The following CSMD3 variants were observed in gnomAD, a reference collection of about 807,000 sequenced individuals.
CSMD3 encodes CUB and Sushi multiple domains 3.
Under a neutral mutation model 435.2 loss-of-function variants are expected in CSMD3, and 177 were observed. The ratio of observed to expected loss-of-function variants is 0.41; its 90% CI spans 0.36 to 0.46. The LOEUF is 0.46. CSMD3 is among the 20% of genes least tolerant of loss of function. The pLI is 0.34. For synonymous variants in CSMD3, 1,656 were observed against 1,520.5 expected (o/e 1.09, Z -2.07); for missense variants, 4,265 against 4,504.6 (o/e 0.95, Z 1.52).
intron 12 of CSMD3, among the ~76,000 whole-genome samples, chr8:112,804,972 T>G (rs1156756285): frequency 6.6e-6 from 1 of 152,144 alleles, no homozygotes; most frequent in Non-Finnish European, 1.5e-5. Context: ...CTGGTGCTAC[T>G]TATTCTGTGA....
chr8:113,369,132 T>C (rs189718625), intron 1 of CSMD3, among the ~76,000 whole-genome samples: 27 of 152,162 alleles, frequency 1.8e-4, no homozygotes, highest in African/African-American at 6.3e-4. Context: ...TAAATCTCTA[T>C]CAATTTCTCA....
chr8:112,696,524 A>G (rs9650047), intron 13 of CSMD3, among the ~76,000 whole-genome samples: 50,060 of 150,520 alleles, frequency 0.33, 9,086 homozygotes, highest in African/African-American at 0.51. Flanking sequence ...CTAGCCATAC[A>G]TAGAAAGCTG....
intron 13 of CSMD3, among the ~76,000 whole-genome samples, chr8:112,753,915 AAAG>A (rs1373853059): frequency 6.6e-6 from 1 of 152,162 alleles, no homozygotes; most frequent in Non-Finnish European, 1.5e-5. Flanking sequence ...CTTCATGAAA[AAAG>A]AAGTTAATAC....
At chr8:113,324,155 G>A (rs1174185747) in intron 1 of CSMD3, among the ~76,000 whole-genome samples, 1 of 152,180 alleles carries the variant, frequency 6.6e-6, no homozygotes, top group African/African-American at 2.4e-5. Flanking sequence ...GCCTGACAAT[G>A]TGATAAAAAG....
At chr8:112,863,409 C>A (rs1328603547) in intron 10 of CSMD3, among the ~76,000 whole-genome samples, 3 of 151,678 alleles carry the variant, frequency 2.0e-5, no homozygotes, top group African/African-American at 7.3e-5. Flanking sequence ...TCGTCATGAA[C>A]TGAAAATACC....
chr8:112,870,042 A>C (rs755673581), intron 10 of CSMD3, among the ~76,000 whole-genome samples: 6 of 152,182 alleles, frequency 3.9e-5, no homozygotes, highest in Non-Finnish European at 7.3e-5. Context: ...GAACTTAAAA[A>C]TTTTAAAAAT....
intron 5 of CSMD3, among the ~76,000 whole-genome samples, chr8:113,090,486 TTC>T (rs1287961235): frequency 1.3e-5 from 2 of 152,186 alleles, no homozygotes; most frequent in African/African-American, 4.8e-5. Context: ...AAATTGTAGG[TTC>T]TCTGTTACAA....
chr8:112,572,313 G>A (rs1358583233), intron 24 of CSMD3, among the ~76,000 whole-genome samples: 1 of 152,074 alleles, frequency 6.6e-6, no homozygotes, highest in Admixed American at 6.6e-5. Context: ...GTTAATTTAT[G>A]TTTAGTTAAT....
At chr8:112,738,777 C>T (rs1484276543) in intron 13 of CSMD3, among the ~76,000 whole-genome samples, 1 of 151,626 alleles carries the variant, frequency 6.6e-6, no homozygotes, top group African/African-American at 2.4e-5. Flanking sequence ...AACTTAAATT[C>T]TGTCTAAAAT....
chr8:112,884,358 A>T lies in CSMD3; in HGVS notation c.1634-25092T>A, dbSNP rs150348236. ...TTTTGCTTCTTCTATGACTCTTAGC[A>T]GACTAAAAATACTAGATAGCCTTGT... On this transcript the variant is annotated intron_variant, in intron 10 of 70. Transcript: ENST00000297405. Among the ~76,000 whole-genome samples the T allele has an allele frequency of 8.1e-3, 1,224 of 151,950 alleles. 16 individuals are homozygous for T. Among genetic ancestry groups the T allele is most frequent in the African/African-American group, 0.028 (1,175 of 41,498 alleles).
chr8:112,341,996 T>C (rs542742246), intron 41 of CSMD3, among the ~76,000 whole-genome samples: 9 of 152,254 alleles, frequency 5.9e-5, no homozygotes, highest in African/African-American at 2.2e-4. Context: ...ACGCTTTAAA[T>C]TACATAAACT....
intron 27 of CSMD3, among the ~76,000 whole-genome samples, chr8:112,533,871 C>A (rs1252839204): frequency 6.6e-6 from 1 of 151,970 alleles, no homozygotes; most frequent in Non-Finnish European, 1.5e-5. Flanking sequence ...TAGGTTATGC[C>A]ACAAAACAAG....
At chr8:112,275,003 T>C (rs1471821499) in intron 59 of CSMD3, among the ~76,000 whole-genome samples, 1 of 151,214 alleles carries the variant, frequency 6.6e-6, no homozygotes, top group Non-Finnish European at 1.5e-5. Context: ...AAGAACCTTT[T>C]GATGCTTCAA....
chr8:112,788,806 T>C (rs2078617221), intron 13 of CSMD3, among the ~76,000 whole-genome samples: 1 of 152,064 alleles, frequency 6.6e-6, no homozygotes, highest in Admixed American at 6.6e-5. Context: ...ACAAACAAAA[T>C]TAAGTTAGAC....
intron 13 of CSMD3, among the ~76,000 whole-genome samples, chr8:112,797,221 CTA>C (rs1243576778): frequency 6.6e-6 from 1 of 151,848 alleles, no homozygotes; most frequent in Non-Finnish European, 1.5e-5. Context: ...CATTTTCAAA[CTA>C]TATGTTTTGG....
intron 6 of CSMD3, among the ~76,000 whole-genome samples, chr8:112,982,123 T>A (rs1280048155): frequency 1.3e-5 from 2 of 151,874 alleles, no homozygotes; most frequent in Non-Finnish European, 2.9e-5. Flanking sequence ...CAAAGTAGTA[T>A]CACTTTAATT....
intron 10 of CSMD3, among the ~76,000 whole-genome samples, chr8:112,903,485 A>G (rs1382108545): frequency 6.6e-6 from 1 of 151,216 alleles, no homozygotes; most frequent in Admixed American, 6.6e-5. Flanking sequence ...CATGGTGGCG[A>G]AGGGGGATCA....
intron 12 of CSMD3, among the ~76,000 whole-genome samples, chr8:112,821,167 C>A (rs2079520374): frequency 6.6e-6 from 1 of 152,168 alleles, no homozygotes; most frequent in African/African-American, 2.4e-5. Flanking sequence ...GGCATATACC[C>A]AGTAATGAGA....
intron 1 of CSMD3, among the ~76,000 whole-genome samples, chr8:113,394,281 A>G (rs1485847105): frequency 6.6e-6 from 1 of 152,100 alleles, no homozygotes; most frequent in Non-Finnish European, 1.5e-5. Context: ...TCTCTAATAT[A>G]TGTACATGCA....
Sources: allele counts gnomAD v4.1 joint callset (sites outside exome capture counted in the v4.1 genomes callset), GRCh38; gene constraint gnomAD v4.1.1; transcripts MANE v1.5; gene names NCBI Gene and HGNC (gene_info 2026-07-23, HGNC 2026-07-21).